POMGNT1: variants seen among roughly 807,000 people sequenced by gnomAD.
POMGNT1 encodes protein O-linked mannose N-acetylglucosaminyltransferase 1 (beta 1,2-), also known as protein O-linked-mannose beta-1,2-N-acetylglucosaminyltransferase 1.
In POMGNT1, 67 loss-of-function variants were observed where a neutral mutation model predicts 95.6. The ratio of observed to expected loss-of-function variants is 0.70; its 90% CI spans 0.58 to 0.86. The LOEUF is 0.86. POMGNT1 is among the 40% of genes least tolerant of loss of function. The pLI, the probability that POMGNT1 is intolerant of heterozygous loss-of-function variation, is 0.00. For synonymous variants in POMGNT1, 298 were observed against 317.9 expected, an observed-to-expected ratio of 0.94 and a Z score of 0.66; for missense variants, 719 against 855.2, an observed-to-expected ratio of 0.84 and a Z score of 1.99.
At position 46,189,180 on chromosome 1, in the gene POMGNT1, C is replaced by T; in HGVS notation, c.*90G>A. On this transcript the variant is annotated 3_prime_UTR_variant, in exon 22 of 22. Coordinates refer to ENST00000371984, the MANE Select transcript of POMGNT1 (RefSeq NM_017739.4). ...AAAACAAGGTAGCCCCAGCCCCTACCAGCATCTACAAAATCCTACAGGATG... is the reference window on the plus strand; with the variant it reads ...AAAACAAGGTAGCCCCAGCCCCTACTAGCATCTACAAAATCCTACAGGATG... 1 of 1,534,742 alleles carries T rather than the reference C, an allele frequency of 6.5e-7. No homozygotes were observed. Among genetic ancestry groups the T allele is most frequent in the Middle Eastern group, 1.8e-4 (1 of 5,644 alleles).
intron 17 of POMGNT1, chr1:46,191,558 G>A (rs1003173339): frequency 4.9e-6 from 1 of 203,106 alleles, no homozygotes; most frequent in South Asian, 8.8e-5. Context: ...CCTTATATAT[G>A]TTTATAATTC....
chr1:46,192,127 C>T lies in POMGNT1; in HGVS notation c.1510G>A (p.Val504Ile), dbSNP rs17102066. Residue 504 changes from valine (V) to isoleucine (I), a missense_variant, in exon 17 of 22, where the codon GTC (valine) becomes ATC (isoleucine). Physicochemically the swap from Val to Ile is conservative, Grantham distance 29. Coordinates refer to ENST00000371984, the MANE Select transcript of POMGNT1 (RefSeq NM_017739.4). ...AAGTAGCCATTCATGTTGAGGCCGACGATGCCAAAGTGGTAGGATCGGGAA... is the reference window on the plus strand; with the variant it reads ...AAGTAGCCATTCATGTTGAGGCCGATGATGCCAAAGTGGTAGGATCGGGAA... ...DVSRSYHFGI[V>I]GLNMNGYFHE... 5.0e-4 allele frequency: 800 copies of T among 1,614,108 alleles called. 3 individuals are homozygous for T. In the African/African-American group the frequency reaches 8.3e-3, roughly 17 times the overall value.
At chr1:46,204,196 G>A (rs1272647086) in intron 1 of POMGNT1, among the ~76,000 whole-genome samples, 1 of 152,074 alleles carries the variant, frequency 6.6e-6, no homozygotes, top group Non-Finnish European at 1.5e-5. Flanking sequence ...CCCATAGCAG[G>A]GACAGAGAGT....
intron 17 of POMGNT1, 114 bp from the exon 18 acceptor site, chr1:46,190,898 G>T: frequency 1.0e-6 from 1 of 998,450 alleles, no homozygotes; most frequent in Non-Finnish European, 1.6e-6. Context: ...CCTGTAAAGA[G>T]CCCTCTAATT....
intron 9 of POMGNT1, 123 bp downstream of exon 9, chr1:46,194,151 G>A (rs960065524): frequency 3.2e-6 from 5 of 1,582,052 alleles, no homozygotes; most frequent in Admixed American, 1.8e-5. Context: ...AGAGCGCAGT[G>A]TAAATCCTGC....
rs750280435 is a variant in POMGNT1 at position 46,194,571 on chromosome 1, G to A, written c.733C>T (p.Pro245Ser). 4 of 1,614,134 alleles carry A rather than the reference G, an allele frequency of 2.5e-6. No homozygotes were observed. The East Asian group carries it at 8.9e-5, about 36-fold the overall frequency. ...ACTCCACCTTCTGCTGAGCTCAATGGCACATCTGTCTTCAGCAGGACTGGG... is the reference window on the plus strand; with the variant it reads ...ACTCCACCTTCTGCTGAGCTCAATGACACATCTGTCTTCAGCAGGACTGGG... Reference protein sequence around the residue: ...GDPVLLKTDVPLSSAEEAECH... With the variant: ...GDPVLLKTDVSLSSAEEAECH... Residue 245 changes from proline to serine, a missense_variant, in exon 8 of 22, where the codon CCA becomes TCA. Physicochemically the swap from Pro to Ser is moderately conservative, Grantham distance 74. Coordinates refer to ENST00000371984, the MANE Select transcript of POMGNT1 (RefSeq NM_017739.4).
chr1:46,203,363 G>T, upstream of POMGNT1: 1 of 1,404,126 alleles, frequency 7.1e-7, no homozygotes, highest in Non-Finnish European at 9.4e-7. Flanking sequence ...AGCGGCGAAG[G>T]GAGGACCCCC....
intron 1 of POMGNT1, chr1:46,219,656 C>G: frequency 6.6e-7 from 1 of 1,521,172 alleles, no homozygotes; most frequent in Non-Finnish European, 8.8e-7. Flanking sequence ...TGGGGAAACC[C>G]ATGCCCCAGA....
intron 1 of POMGNT1, among the ~76,000 whole-genome samples, chr1:46,213,159 ATATT>A (rs1658956560): frequency 6.6e-6 from 1 of 151,898 alleles, no homozygotes; most frequent in Non-Finnish European, 1.5e-5. Context: ...ACATACACAA[ATATT>A]TATATGATGT....
chr1:46,201,706 AAAAAAAAAG>A (rs1183670120), upstream of POMGNT1, among the ~76,000 whole-genome samples: 3 of 151,634 alleles, frequency 2.0e-5, no homozygotes, highest in African/African-American at 7.3e-5. Flanking sequence ...TCAAAAAAAA[AAAAAAAAAG>A]AAAAAAGAAA....
intron 1 of POMGNT1, chr1:46,198,110 C>A: frequency 2.1e-6 from 1 of 466,024 alleles, no homozygotes; most frequent in Non-Finnish European, 3.9e-6. Context: ...GGGTGGAGGC[C>A]AAATAATCGG....
At chr1:46,189,593 G>C (rs769596407) in intron 20 of POMGNT1, 26 bp from the exon 21 acceptor site, 1 of 1,597,736 alleles carries the variant, frequency 6.3e-7, no homozygotes, top group East Asian at 2.2e-5. Context: ...TGGAGACAGA[G>C]ACATGGGTCA....
chr1:46,201,082 G>C (rs949764256), upstream of POMGNT1, among the ~76,000 whole-genome samples: 1 of 152,150 alleles, frequency 6.6e-6, no homozygotes, highest in Non-Finnish European at 1.5e-5. Context: ...AATGAGCCAA[G>C]ATGGTGCCAC....
At chr1:46,190,933 T>G in intron 17 of POMGNT1, 149 bp from the exon 18 acceptor site, 2 of 750,570 alleles carry the variant, frequency 2.7e-6, no homozygotes, top group Non-Finnish European at 4.7e-6. Flanking sequence ...CCATCCTCTT[T>G]GCAGCATCCT....
At chr1:46,206,542 C>T (rs1205558547) in intron 1 of POMGNT1, among the ~76,000 whole-genome samples, 3 of 152,150 alleles carry the variant, frequency 2.0e-5, no homozygotes, top group Non-Finnish European at 4.4e-5. Flanking sequence ...GGCTGCATCT[C>T]TCCTGAGCTG....
intron 6 of POMGNT1, 59 bp from the exon 7 acceptor site, chr1:46,195,020 A>G: frequency 6.7e-7 from 1 of 1,492,118 alleles, no homozygotes; most frequent in South Asian, 1.1e-5. Context: ...ACCTGGCCTC[A>G]CAGAGCACGA....
At chr1:46,189,656 C>A (rs1657596002) in intron 20 of POMGNT1, 89 bp from the exon 21 acceptor site, 2 of 1,555,318 alleles carry the variant, frequency 1.3e-6, no homozygotes, top group Admixed American at 3.9e-5. Flanking sequence ...CCCCACCCCT[C>A]CTCAGAAACC....
At chr1:46,189,699 A>AT (rs1249371322) in intron 20 of POMGNT1, 132 bp from the exon 21 acceptor site, 1 of 1,548,534 alleles carries the variant, frequency 6.5e-7, no homozygotes, top group Non-Finnish European at 8.7e-7. Flanking sequence ...ATCTTTTAGA[A>AT]TATGAATTTG....
intron 20 of POMGNT1, 72 bp downstream of exon 20, chr1:46,189,782 G>C: frequency 6.2e-7 from 1 of 1,602,056 alleles, no homozygotes. Context: ...CAGAGCAAAG[G>C]CTCCCTGGAT....
Sources: allele counts gnomAD v4.1 joint callset (sites outside exome capture counted in the v4.1 genomes callset), GRCh38; gene constraint gnomAD v4.1.1; transcripts MANE v1.5; gene names NCBI Gene and HGNC (gene_info 2026-07-23, HGNC 2026-07-21).